CCSER1: variants seen among roughly 807,000 people sequenced by gnomAD.
The protein encoded by CCSER1 is serine-rich coiled-coil domain-containing protein 1.
Under a neutral mutation model 82.0 loss-of-function variants are expected in CCSER1, and 41 were observed. The observed-to-expected ratio is 0.50, with a 90% CI of 0.39 to 0.65. The LOEUF is 0.65. CCSER1 is among the 30% of genes least tolerant of loss of function. The probability of loss-of-function intolerance (pLI) is 0.00; values close to 1 mark genes in which losing one functional copy is unlikely to be tolerated. For missense variants in CCSER1, 1,119 were observed against 1,064.2 expected (o/e 1.05, Z -0.72); for synonymous variants, 414 against 383.9 (o/e 1.08, Z -0.92).
At chr4:90,614,618 T>G (rs1399921231) in intron 5 of CCSER1, among the ~76,000 whole-genome samples, 1 of 152,128 alleles carries the variant, frequency 6.6e-6, no homozygotes, top group East Asian at 1.9e-4. Flanking sequence ...TGCCAAAGCC[T>G]AATCCAGAGA....
chr4:91,333,175 A>G (rs1038330157), intron 10 of CCSER1, among the ~76,000 whole-genome samples: 2 of 151,984 alleles, frequency 1.3e-5, no homozygotes. Flanking sequence ...ATAACATACC[A>G]TTATGGTTGG....
At chr4:91,591,333 A>G (rs1764260614) in intron 10 of CCSER1, among the ~76,000 whole-genome samples, 2 of 152,140 alleles carry the variant, frequency 1.3e-5, no homozygotes, top group South Asian at 4.1e-4. Context: ...AATTATATTT[A>G]CCAGTATAGG....
At chr4:90,780,006 A>T (rs1288558040) in intron 7 of CCSER1, among the ~76,000 whole-genome samples, 1 of 152,194 alleles carries the variant, frequency 6.6e-6, no homozygotes, top group Non-Finnish European at 1.5e-5. Flanking sequence ...GAATTAACCG[A>T]GCCTGGAACC....
At chr4:90,466,636 G>C (rs748203272) in intron 4 of CCSER1, among the ~76,000 whole-genome samples, 5 of 152,132 alleles carry the variant, frequency 3.3e-5, no homozygotes, top group African/African-American at 1.2e-4. Flanking sequence ...TCCTAAGTTT[G>C]TGTTAATTTT....
chr4:91,002,754 A>G (rs1435508133), intron 9 of CCSER1, among the ~76,000 whole-genome samples: 1 of 152,268 alleles, frequency 6.6e-6, no homozygotes, highest in Non-Finnish European at 1.5e-5. Context: ...CAGGTAAATC[A>G]GGGATTTCTT....
intron 10 of CCSER1, among the ~76,000 whole-genome samples, chr4:91,463,229 C>T (rs185896080): frequency 2.0e-5 from 3 of 152,190 alleles, no homozygotes; most frequent in African/African-American, 7.2e-5. Flanking sequence ...GCCTCCGCTG[C>T]TGATACCCAG....
At chr4:91,066,294 A>T (rs1279156332) in intron 9 of CCSER1, among the ~76,000 whole-genome samples, 1 of 152,192 alleles carries the variant, frequency 6.6e-6, no homozygotes, top group East Asian at 1.9e-4. Flanking sequence ...TTCTCAGAAA[A>T]AGCTAATTAT....
At chr4:90,664,864 C>T (rs1371896029) in intron 6 of CCSER1, among the ~76,000 whole-genome samples, 1 of 152,198 alleles carries the variant, frequency 6.6e-6, no homozygotes, top group Non-Finnish European at 1.5e-5. Flanking sequence ...CACACCATTG[C>T]ACTCCAGCCT....
chr4:90,949,137 C>T (rs939024654), intron 9 of CCSER1, among the ~76,000 whole-genome samples: 1 of 152,044 alleles, frequency 6.6e-6, no homozygotes, highest in South Asian at 2.1e-4. Flanking sequence ...GAGTATCAGA[C>T]ACAGACCTAC....
chr4:91,054,200 G>A (rs941149747), intron 9 of CCSER1, among the ~76,000 whole-genome samples: 2 of 152,082 alleles, frequency 1.3e-5, no homozygotes, highest in African/African-American at 2.4e-5. Flanking sequence ...GGAGCTGTCC[G>A]CAATCACAGC....
chr4:90,648,754 A>G (rs549431130), intron 6 of CCSER1, among the ~76,000 whole-genome samples: 27 of 152,134 alleles, frequency 1.8e-4, no homozygotes, highest in Non-Finnish European at 3.5e-4. Context: ...GAAAAAATAA[A>G]TTTCTGTTCT....
intron 3 of CCSER1, among the ~76,000 whole-genome samples, chr4:90,342,930 C>A (rs1255898077): frequency 1.3e-5 from 2 of 151,798 alleles, no homozygotes; most frequent in East Asian, 3.9e-4. Flanking sequence ...CTTTTCTTAT[C>A]AGTTGCCTTC....
At chr4:91,053,739 A>G (rs1743198858) in intron 9 of CCSER1, among the ~76,000 whole-genome samples, 1 of 152,164 alleles carries the variant, frequency 6.6e-6, no homozygotes, top group South Asian at 2.1e-4. Context: ...ATGTAAATAC[A>G]TCTTCCCTCT....
chr4:91,592,673 T>C (rs757620891), intron 10 of CCSER1, among the ~76,000 whole-genome samples: 8 of 152,186 alleles, frequency 5.3e-5, no homozygotes, highest in Non-Finnish European at 1.0e-4. Flanking sequence ...CACATTATAA[T>C]GTTGATATTT....
chr4:91,284,779 A>G (rs572543688), intron 10 of CCSER1, among the ~76,000 whole-genome samples: 22 of 152,216 alleles, frequency 1.4e-4, no homozygotes, highest in African/African-American at 4.8e-4. Context: ...ATATGATGTT[A>G]AAGGTGATTC....
intron 10 of CCSER1, among the ~76,000 whole-genome samples, chr4:91,591,933 G>T (rs1764289361): frequency 6.6e-6 from 1 of 151,878 alleles, no homozygotes; most frequent in Non-Finnish European, 1.5e-5. Flanking sequence ...ATATTGCTTT[G>T]GTGGTTTTGA....
intron 1 of CCSER1, among the ~76,000 whole-genome samples, chr4:90,178,027 A>G (rs1321977625): frequency 6.6e-6 from 1 of 152,088 alleles, no homozygotes; most frequent in African/African-American, 2.4e-5. Context: ...AAAAATCCGA[A>G]ATCCAAAACA....
intron 9 of CCSER1, among the ~76,000 whole-genome samples, chr4:91,068,327 T>C (rs1280531456): frequency 6.6e-6 from 1 of 152,212 alleles, no homozygotes; most frequent in African/African-American, 2.4e-5. Context: ...TATGAGACAC[T>C]GATCTGTCAA....
chr4:90,412,126 A>G (rs1313677489), intron 4 of CCSER1, among the ~76,000 whole-genome samples: 1 of 152,030 alleles, frequency 6.6e-6, no homozygotes, highest in African/African-American at 2.4e-5. Context: ...ATGGAATACT[A>G]TGCAGCCTTA....
Sources: allele counts gnomAD v4.1 joint callset (sites outside exome capture counted in the v4.1 genomes callset), GRCh38; gene constraint gnomAD v4.1.1; transcripts MANE v1.5; gene names NCBI Gene and HGNC (gene_info 2026-07-23, HGNC 2026-07-21).